Variants in ERBB4 observed in about 807,000 individuals in gnomAD.
The protein encoded by ERBB4 is receptor tyrosine-protein kinase erbB-4.
In ERBB4, 42 loss-of-function variants were observed where a neutral mutation model predicts 158.0. That is an observed-to-expected ratio of 0.27 (90% CI 0.21 to 0.34). ERBB4 has a LOEUF of 0.34. ERBB4 is among the 10% of genes least tolerant of loss of function. ERBB4 has a pLI of 1.00. For synonymous variants in ERBB4, 583 were observed against 558.7 expected, an observed-to-expected ratio of 1.04 and a Z score of -0.61; for missense variants, 1,333 against 1,624.1, an observed-to-expected ratio of 0.82 and a Z score of 3.08.
chr2:212,105,411 A>G (rs1413788060), intron 2 of ERBB4, among the ~76,000 whole-genome samples: 4 of 152,198 alleles, frequency 2.6e-5, no homozygotes, highest in Admixed American at 2.0e-4. Flanking sequence ...CTGTGTTTCT[A>G]TATCTTAAAC....
At chr2:211,719,699 C>A (rs1422256049) in intron 7 of ERBB4, among the ~76,000 whole-genome samples, 4 of 151,384 alleles carry the variant, frequency 2.6e-5, no homozygotes, top group African/African-American at 7.3e-5. Context: ...ACTAAAAATC[C>A]AAAAAATTAG....
chr2:212,528,140 C>T (rs528243574), intron 1 of ERBB4, among the ~76,000 whole-genome samples: 1 of 152,166 alleles, frequency 6.6e-6, no homozygotes, highest in African/African-American at 2.4e-5. Context: ...ATTTATTAGA[C>T]AAGTTTCTTC....
intron 2 of ERBB4, among the ~76,000 whole-genome samples, chr2:212,101,546 CTAGATAAA>C (rs1014120423): frequency 1.3e-5 from 2 of 151,402 alleles, no homozygotes; most frequent in African/African-American, 4.8e-5. Context: ...CAATCTATCC[CTAGATAAA>C]TAATATTCTA....
intron 1 of ERBB4, among the ~76,000 whole-genome samples, chr2:212,138,513 A>G (rs1363434630): frequency 2.0e-5 from 3 of 152,104 alleles, no homozygotes; most frequent in African/African-American, 4.8e-5. Context: ...GACCCTTCAG[A>G]CAGTCTCTAC....
chr2:212,037,689 T>C (rs911090694), intron 2 of ERBB4, among the ~76,000 whole-genome samples: 4 of 152,214 alleles, frequency 2.6e-5, no homozygotes, highest in Non-Finnish European at 5.9e-5. Flanking sequence ...AAACTTCTTA[T>C]GTGCAGATTG....
chr2:212,059,032 T>C (rs1158565903), intron 2 of ERBB4, among the ~76,000 whole-genome samples: 2 of 152,190 alleles, frequency 1.3e-5, no homozygotes, highest in Non-Finnish European at 2.9e-5. Flanking sequence ...GATTGTATAT[T>C]TAGAAAACCC....
intron 20 of ERBB4, among the ~76,000 whole-genome samples, chr2:211,473,073 C>T (rs928727867): frequency 6.6e-6 from 1 of 151,612 alleles, no homozygotes; most frequent in African/African-American, 2.4e-5. Context: ...AATGTGATTA[C>T]CTGAATGATC....
rs542475640 is a variant in ERBB4, at chr2:212,475,855, C to T, written c.82+62594G>A. Among the ~76,000 whole-genome samples the T allele has an allele frequency of 8.8e-4, 134 of 152,116 alleles. 1 individual carries two copies. The highest frequency in any genetic ancestry group is 3.1e-3 in the African/African-American group (128 of 41,514). The stretch of plus-strand genomic sequence containing the variant: ...CCTAAACAGTTTTGGTATCTATCCA[C>T]TTCTCCCTAGTCCCTTCTTTACCCT... On this transcript the variant is annotated intron_variant, in intron 1 of 27. Transcript: ENST00000342788.
intron 20 of ERBB4, among the ~76,000 whole-genome samples, chr2:211,514,278 C>T (rs1008217570): frequency 2.6e-5 from 4 of 152,054 alleles, no homozygotes; most frequent in Admixed American, 2.0e-4. Context: ...AAACCTATCT[C>T]GGTTTCTTGG....
intron 3 of ERBB4, among the ~76,000 whole-genome samples, chr2:211,802,726 T>C (rs1183360267): frequency 1.3e-5 from 2 of 152,240 alleles, no homozygotes; most frequent in South Asian, 2.1e-4. Context: ...AGCTAGCTGA[T>C]ATGCACCTAG....
chr2:211,905,234 G>A (rs1378221989), intron 3 of ERBB4, among the ~76,000 whole-genome samples: 2 of 151,926 alleles, frequency 1.3e-5, no homozygotes, highest in Non-Finnish European at 2.9e-5. Context: ...GAGACTGTCT[G>A]CATTTCTTAG....
At chr2:211,463,481 A>T (rs2125507219) in intron 20 of ERBB4, among the ~76,000 whole-genome samples, 1 of 152,274 alleles carries the variant, frequency 6.6e-6, no homozygotes, top group East Asian at 1.9e-4. Flanking sequence ...CATTAACCTA[A>T]CTGGAAGTGG....
chr2:211,695,180 T>TTCCATTCCCTACAAAGAGTTAATTCCC (rs1163302670), intron 12 of ERBB4, among the ~76,000 whole-genome samples: 1 of 152,180 alleles, frequency 6.6e-6, no homozygotes, highest in African/African-American at 2.4e-5. Context: ...CATTCCCTAC[T>TTCCATTCCCTACAAAGAGTTAATTCCC]TATTAACTCT....
intron 1 of ERBB4, among the ~76,000 whole-genome samples, chr2:212,323,056 C>T (rs2087642612): frequency 6.6e-6 from 1 of 150,408 alleles, no homozygotes; most frequent in Non-Finnish European, 1.5e-5. Flanking sequence ...TTTTCTACTT[C>T]AGATAGAGTA....
chr2:211,827,594 CT>C (rs1042909486), intron 3 of ERBB4, among the ~76,000 whole-genome samples: 9 of 149,894 alleles, frequency 6.0e-5, no homozygotes, highest in East Asian at 2.0e-4. Flanking sequence ...ATATACAGTT[CT>C]TTTTTTAATG....
At chr2:211,731,276 T>A (rs2074418097) in intron 5 of ERBB4, among the ~76,000 whole-genome samples, 1 of 152,180 alleles carries the variant, frequency 6.6e-6, no homozygotes, top group African/African-American at 2.4e-5. Flanking sequence ...TTTCAGTTTT[T>A]ATTCAAAGAC....
At chr2:212,022,327 A>G (rs909952452) in intron 2 of ERBB4, among the ~76,000 whole-genome samples, 22 of 152,326 alleles carry the variant, frequency 1.4e-4, no homozygotes, top group African/African-American at 5.3e-4. Flanking sequence ...TTTGGTACAT[A>G]TACAAGATAA....
chr2:212,009,928 A>G (rs1432332915), intron 2 of ERBB4, among the ~76,000 whole-genome samples: 1 of 152,180 alleles, frequency 6.6e-6, no homozygotes, highest in Non-Finnish European at 1.5e-5. Flanking sequence ...TCCTTGAGCC[A>G]TATCTGTATT....
intron 4 of ERBB4, among the ~76,000 whole-genome samples, chr2:211,751,893 T>C (rs2075141567): frequency 6.6e-6 from 1 of 152,204 alleles, no homozygotes; most frequent in Non-Finnish European, 1.5e-5. Context: ...GAAAGTAAAC[T>C]GTACTATTTC....
Sources: allele counts gnomAD v4.1 joint callset (sites outside exome capture counted in the v4.1 genomes callset), GRCh38; gene constraint gnomAD v4.1.1; transcripts MANE v1.5; gene names NCBI Gene and HGNC (gene_info 2026-07-23, HGNC 2026-07-21).